The following NME7 variants were observed in gnomAD, a reference collection of about 807,000 sequenced individuals.
The protein encoded by NME7 is nucleoside diphosphate kinase 7.
A neutral mutation model predicts 49.1 loss-of-function variants in NME7; 41 were observed. The ratio of observed to expected loss-of-function variants is 0.83; its 90% CI spans 0.65 to 1.08. NME7 has a LOEUF of 1.08. Among genes scored for constraint, NME7 ranks in the 50% least tolerant of loss-of-function variants. The pLI, the probability that NME7 is intolerant of heterozygous loss-of-function variation, is 0.00. For synonymous variants in NME7, 139 were observed against 150.6 expected (o/e 0.92, Z 0.56); for missense variants, 423 against 463.4 (o/e 0.91, Z 0.80).
At chr1:169,237,083 G>A (rs533760929) in intron 8 of NME7, among the ~76,000 whole-genome samples, 12 of 152,136 alleles carry the variant, frequency 7.9e-5, no homozygotes, top group African/African-American at 2.2e-4. Flanking sequence ...TATGAACAAC[G>A]CAATTTTGAA....
chr1:169,304,561 A>C (rs888950743), intron 4 of NME7, among the ~76,000 whole-genome samples: 3 of 152,216 alleles, frequency 2.0e-5, no homozygotes, highest in African/African-American at 7.2e-5. Context: ...TCATCCCGAG[A>C]CATGGAAAGG....
rs1649502037 is a variant in NME7, at chr1:169,271,816, A to G, written c.754+15487T>C. Among the ~76,000 whole-genome samples, 2 of 133,092 alleles carry G rather than the reference A, an allele frequency of 1.5e-5. 1 individual carries two copies. Among genetic ancestry groups the G allele is most frequent in the South Asian group, 4.6e-4 (2 of 4,348 alleles). The allele number at this position is 133,092 out of a possible 152,430, so 87.3% of individuals were successfully genotyped here. On this transcript the variant is annotated intron_variant, in intron 7 of 11. Coordinates refer to ENST00000367811, the MANE Select transcript of NME7 (RefSeq NM_013330.5). ...CCTATACTATATTACAGGTAATATT[A>G]AATATATTAATACCAGGAGATGGGA... is the stretch of plus-strand genomic sequence containing the variant.
In NME7 at chr1:169,262,568, C is replaced by A. The variant is rs1051452749; in HGVS notation, c.754+24735G>T. Among the ~76,000 whole-genome samples the A allele has an allele frequency of 2.3e-4, 31 of 132,922 alleles. 8 individuals carry two copies. Among genetic ancestry groups the A allele is most frequent in the Non-Finnish European group, 5.3e-4 (30 of 56,536 alleles). 87.2% of individuals were successfully genotyped at this position (132,922 alleles called of 152,430 possible). On this transcript the variant is annotated intron_variant, in intron 7 of 11. Transcript: ENST00000367811. ...TCTGCAGGCTGATCATCTGAGAAAC[C>A]ATGATGAGATACATCAAGGCAGCAG...
chr1:169,230,626 A>G (rs1571309606), intron 10 of NME7, 92 bp downstream of exon 10: 8 of 579,968 alleles, frequency 1.4e-5, no homozygotes, highest in Non-Finnish European at 2.0e-5. Flanking sequence ...TTTTTACATT[A>G]TTTACTTAAA....
chr1:169,251,907 T>C (rs1349946610), intron 7 of NME7, among the ~76,000 whole-genome samples: 2 of 151,210 alleles, frequency 1.3e-5, no homozygotes, highest in Admixed American at 1.3e-4. Context: ...TTTTTATGGC[T>C]GCATAGTATT....
chr1:169,341,223 C>A (rs1361810730), intron 1 of NME7, among the ~76,000 whole-genome samples: 1 of 152,142 alleles, frequency 6.6e-6, no homozygotes, highest in Non-Finnish European at 1.5e-5. Flanking sequence ...CTCAGTCACT[C>A]CAGCTCAAGC....
intron 10 of NME7, among the ~76,000 whole-genome samples, chr1:169,215,759 G>T (rs1253709001): frequency 6.6e-6 from 1 of 152,188 alleles, no homozygotes; most frequent in Non-Finnish European, 1.5e-5. Context: ...ACATATACAA[G>T]AGAATATTAT....
intron 10 of NME7, among the ~76,000 whole-genome samples, chr1:169,212,054 C>A (rs1660837909): frequency 6.6e-6 from 1 of 151,892 alleles, no homozygotes; most frequent in African/African-American, 2.4e-5. Flanking sequence ...TATTTAACAC[C>A]AAAGCAAAAG....
chr1:169,285,414 T>C (rs1650240770), intron 7 of NME7: 1 of 152,160 alleles, frequency 6.6e-6, no homozygotes, highest in African/African-American at 2.4e-5. Context: ...CCAGGTTTTT[T>C]TCCATAAATT....
intron 10 of NME7, among the ~76,000 whole-genome samples, chr1:169,209,095 C>A (rs1452547226): frequency 1.3e-5 from 2 of 148,646 alleles, no homozygotes; most frequent in African/African-American, 4.8e-5. Flanking sequence ...AAAAAATCTA[C>A]AAAATTAAAA....
chr1:169,196,224 ATTC>A (rs1336731693), intron 10 of NME7, among the ~76,000 whole-genome samples: 1 of 152,206 alleles, frequency 6.6e-6, no homozygotes, highest in African/African-American at 2.4e-5. Context: ...TCTTCATGCT[ATTC>A]TTAACTTCTC....
intron 1 of NME7, among the ~76,000 whole-genome samples, chr1:169,349,989 G>A (rs1184533389): frequency 3.3e-5 from 5 of 151,868 alleles, no homozygotes; most frequent in Non-Finnish European, 5.9e-5. Flanking sequence ...ACAGGAGTTC[G>A]AGACCAGCCT....
chr1:169,264,086 G>A (rs1649243675), intron 7 of NME7, among the ~76,000 whole-genome samples: 1 of 133,478 alleles, frequency 7.5e-6, no homozygotes, highest in Admixed American at 7.4e-5. Context: ...CCTTATAAGA[G>A]CTCCTGAGAG....
At chr1:169,229,832 C>T (rs1647523604) in intron 10 of NME7, among the ~76,000 whole-genome samples, 1 of 151,900 alleles carries the variant, frequency 6.6e-6, no homozygotes, top group Non-Finnish European at 1.5e-5. Context: ...CGGGGTGGCA[C>T]ACACCTGTAG....
intron 11 of NME7, among the ~76,000 whole-genome samples, chr1:169,141,776 G>A (rs1658604815): frequency 6.6e-6 from 1 of 152,016 alleles, no homozygotes; most frequent in Admixed American, 6.6e-5. Context: ...AAGGACAGAT[G>A]AGAAAAGTGA....
chr1:169,293,857 T>C (rs1385874511), intron 6 of NME7, among the ~76,000 whole-genome samples: 2 of 152,162 alleles, frequency 1.3e-5, no homozygotes, highest in Admixed American at 1.3e-4. Flanking sequence ...CCTTATTCTC[T>C]AAAATAAATA....
chr1:169,193,870 T>C (rs1183549033), intron 10 of NME7, among the ~76,000 whole-genome samples: 1 of 150,486 alleles, frequency 6.6e-6, no homozygotes, highest in African/African-American at 2.4e-5. Context: ...AATGTTAAGC[T>C]GAGATCTTAA....
At chr1:169,245,250 T>C (rs1478154471) in intron 7 of NME7, among the ~76,000 whole-genome samples, 4 of 152,102 alleles carry the variant, frequency 2.6e-5, no homozygotes, top group Non-Finnish European at 5.9e-5. Flanking sequence ...ACTTGAAAAA[T>C]ATCGTTACCA....
chr1:169,191,471 G>C (rs897530911), intron 10 of NME7, among the ~76,000 whole-genome samples: 4 of 152,120 alleles, frequency 2.6e-5, no homozygotes, highest in African/African-American at 9.7e-5. Context: ...GAGTTTACTG[G>C]GAAAACCATC....
Sources: allele counts gnomAD v4.1 joint callset (sites outside exome capture counted in the v4.1 genomes callset), GRCh38; gene constraint gnomAD v4.1.1; transcripts MANE v1.5; gene names NCBI Gene and HGNC (gene_info 2026-07-23, HGNC 2026-07-21).